Variants in ADAMTS8 observed in about 807,000 individuals in gnomAD.
ADAMTS8 encodes A disintegrin and metalloproteinase with thrombospondin motifs 8.
ADAMTS8 carries 50 observed loss-of-function variants against 64.4 expected under a neutral mutation model. That is an observed-to-expected ratio of 0.78 (90% CI 0.62 to 0.98). The LOEUF (loss-of-function observed/expected upper bound fraction) is 0.98. Ranked by LOEUF, ADAMTS8 falls within the 50% of genes least tolerant of loss-of-function variation. The probability of loss-of-function intolerance (pLI) is 0.00; values close to 1 mark genes in which losing one functional copy is unlikely to be tolerated. For missense variants in ADAMTS8, 1,192 were observed against 1,208.2 expected, an observed-to-expected ratio of 0.99 and a Z score of 0.20; for synonymous variants, 556 against 533.6, an observed-to-expected ratio of 1.04 and a Z score of -0.58.
At position 130,419,154 on chromosome 11, in the gene ADAMTS8, C is replaced by T; in HGVS notation, c.859G>A (p.Gly287Arg). The T allele has an allele frequency of 1.2e-6, 2 of 1,614,206 alleles. No homozygotes were observed. Among genetic ancestry groups the T allele is most frequent in the South Asian group, 1.1e-5 (1 of 91,082 alleles). ...TTGCAGAAGTTACGCAGTGTAAGCC[C>T]CCCATTGTCGGACACCTCTGGGCCC... ...KWGPEVSDNGGLTLRNFCNWQ... is the reference protein window; with the variant it reads ...KWGPEVSDNGRLTLRNFCNWQ... The change falls in exon 2 of 9, where the codon GGG (glycine) becomes AGG (arginine). Residue 287 changes from glycine (G) to arginine (R), a missense_variant. By Grantham distance (125) the Gly-to-Arg change is moderately radical. Around this residue, in one of 5 missense-constraint regions of ADAMTS8, gnomAD observed 741 missense variants for 710.6 expected, o/e 1.04. Transcript: ENST00000257359.
rs1170750748 is a variant in ADAMTS8 at position 130,416,546 on chromosome 11, T to C, written c.1097-216A>G. On this transcript the variant is annotated intron_variant, in intron 3 of 8. Coordinates refer to ENST00000257359, the MANE Select transcript of ADAMTS8 (RefSeq NM_007037.6). This position sits in a 1 kb window ranked among gnomAD's most constrained non-coding sequence, Gnocchi z 4.8. ...CCCCTTTATTTTCTGCCTCAGCCCG[T>C]CCTGAATTTGGATCTAGCTCTGTTA... Among the ~76,000 whole-genome samples the C allele has an allele frequency of 6.6e-6, 1 of 152,206 alleles. No individual in the cohort carries two copies. The highest frequency in any genetic ancestry group is 1.5e-5 in the Non-Finnish European group (1 of 68,038).
At position 130,406,147 on chromosome 11, in the gene ADAMTS8, G is replaced by A. The variant is rs1479017245; in HGVS notation, c.2100-19C>T. The A allele has an allele frequency of 1.3e-6, 2 of 1,594,432 alleles. No homozygotes were observed. The highest frequency in any genetic ancestry group is 2.7e-5 in the African/African-American group (2 of 74,806). On this transcript the variant is annotated intron_variant, in intron 8 of 8. Coordinates refer to ENST00000257359, the MANE Select transcript of ADAMTS8 (RefSeq NM_007037.6). The stretch of plus-strand genomic sequence containing the variant: ...GCCATAACTGTGATAGAAACAGAAG[G>A]ACACCCTTAGACCAGTGGCTGCCCA...
rs756276036 is a variant in ADAMTS8 at position 130,405,969 on chromosome 11, T to C, written c.2259A>G (p.Ile753Met). The C allele has an allele frequency of 2.0e-5, 32 of 1,614,234 alleles. No homozygotes were observed. The South Asian group carries it at 3.2e-4, about 16-fold the overall frequency. The change falls in exon 9 of 9, where the codon ATA becomes ATG. Residue 753 changes from isoleucine (I) to methionine (M), a missense_variant. Ile to Met is a conservative substitution (Grantham distance 10). Around this residue, in one of 5 missense-constraint regions of ADAMTS8, gnomAD observed 290 missense variants for 297.8 expected, o/e 0.97. Transcript: ENST00000257359. ...LLNGNLAISAIEQDILVKGTI... is the reference protein window; with the variant it reads ...LLNGNLAISAMEQDILVKGTI... The stretch of plus-strand genomic sequence containing the variant: ...TCCCCTTCACCAAGATGTCCTGCTC[T>C]ATGGCAGAGATGGCCAGGTTGCCGT...
chr11:130,406,815 A>C (rs1592127342), intron 8 of ADAMTS8, among the ~76,000 whole-genome samples: 1 of 152,180 alleles, frequency 6.6e-6, no homozygotes, highest in East Asian at 1.9e-4. Context: ...TTAGGGCTTT[A>C]GGTAGGATGA....
chr11:130,408,232 A>T (rs573326788), intron 8 of ADAMTS8, among the ~76,000 whole-genome samples: 1 of 151,954 alleles, frequency 6.6e-6, no homozygotes, highest in Non-Finnish European at 1.5e-5. Context: ...TATCTTTTCT[A>T]TGAGCTCGAC....
rs557858539 is a variant in ADAMTS8 at position 130,418,181 on chromosome 11, A to G, written c.960+872T>C. Reference sequence around the variant, plus strand: ...GGGTGACAGAGCGAGACCTTGTCTCAAACAAAACAAAACAAAATTAAAAAC... The same window carrying G: ...GGGTGACAGAGCGAGACCTTGTCTCGAACAAAACAAAACAAAATTAAAAAC... On this transcript the variant is annotated intron_variant, in intron 2 of 8. Coordinates refer to ENST00000257359, the MANE Select transcript of ADAMTS8 (RefSeq NM_007037.6). Among the ~76,000 whole-genome samples, 23 of 141,822 alleles carry G rather than the reference A, an allele frequency of 1.6e-4. 2 individuals are homozygous for G. Among genetic ancestry groups the G allele is most frequent in the African/African-American group, 7.2e-4 (23 of 31,872 alleles). 93.0% of individuals were successfully genotyped at this position (141,822 alleles called of 152,430 possible). A position where few individuals can be genotyped will look rare whatever the true frequency, so the allele number is the denominator to read the frequency against.
chr11:130,414,254 G>T (rs1466645546), intron 5 of ADAMTS8, among the ~76,000 whole-genome samples: 2 of 151,378 alleles, frequency 1.3e-5, no homozygotes, highest in Non-Finnish European at 2.9e-5. Flanking sequence ...CTTCTGAGTA[G>T]CTGGGACTAC....
chr11:130,405,353 T>C lies in ADAMTS8; in HGVS notation c.*205A>G. The stretch of plus-strand genomic sequence containing the variant: ...GAGCAAGGTCCAGTCCACTGGACAG[T>C]TGATGATAGGGTCTGCCGCCCCATA... On this transcript the variant is annotated 3_prime_UTR_variant, in exon 9 of 9. Coordinates refer to ENST00000257359, the MANE Select transcript of ADAMTS8 (RefSeq NM_007037.6). 3 of 1,390,688 alleles carry C rather than the reference T, an allele frequency of 2.2e-6. No homozygotes were observed. The highest frequency in any genetic ancestry group is 2.8e-6 in the Non-Finnish European group (3 of 1,076,846). 86.1% of individuals were successfully genotyped at this position (1,390,688 alleles called of 1,614,324 possible).
intron 1 of ADAMTS8, among the ~76,000 whole-genome samples, chr11:130,426,609 C>T (rs1222196455): frequency 2.6e-5 from 4 of 152,192 alleles, no homozygotes; most frequent in Non-Finnish European, 1.5e-5. Flanking sequence ...AAAGCCTTCA[C>T]CTGGTCTTTA....
chr11:130,428,299 G>T lies in ADAMTS8; in HGVS notation c.-13C>A, dbSNP rs750735257. The T allele has an allele frequency of 2.4e-6, 3 of 1,242,586 alleles. No individual in the cohort carries two copies. The highest frequency in any genetic ancestry group is 2.2e-5 in the South Asian group (1 of 45,262). 77.0% of individuals were successfully genotyped at this position (1,242,586 alleles called of 1,614,324 possible). On this transcript the variant is annotated 5_prime_UTR_variant, in exon 1 of 9. Transcript: ENST00000257359. Reference sequence around the variant, plus strand: ...GGGCGGGGAGCATGGGGGCTGCGGCGGTGGCTGCGCGCAGGAGAGGGAAGA... The same window carrying T: ...GGGCGGGGAGCATGGGGGCTGCGGCTGTGGCTGCGCGCAGGAGAGGGAAGA...
chr11:130,408,823 CAGCGGT>C lies in ADAMTS8; in HGVS notation c.1862_1867del (p.Asp621_Cys623delinsGly). ...CCCCCGGGCTCGGCAGAACAACTTG[CAGCGGT>C]CCCGGGGGGACACCCCAGCATACTT... On this transcript the variant is annotated inframe_deletion, in exon 7 of 9. Transcript: ENST00000257359. 6.2e-7 allele frequency: 1 copy of C among 1,614,070 alleles called. No homozygotes were observed. Among genetic ancestry groups the C allele is most frequent in the Non-Finnish European group, 8.5e-7 (1 of 1,180,008 alleles).
At chr11:130,422,541 C>T (rs937715003) in intron 1 of ADAMTS8, among the ~76,000 whole-genome samples, 1 of 152,186 alleles carries the variant, frequency 6.6e-6, no homozygotes, top group Non-Finnish European at 1.5e-5. Flanking sequence ...CCGGGAAGCT[C>T]TTGCATTCCC....
intron 8 of ADAMTS8, among the ~76,000 whole-genome samples, chr11:130,407,329 G>A (rs370653502): frequency 7.9e-5 from 12 of 152,146 alleles, no homozygotes; most frequent in African/African-American, 2.4e-4. Flanking sequence ...TCGTGCCACC[G>A]CACTCCAGCC....
At position 130,419,164 on chromosome 11, in the gene ADAMTS8, G is replaced by A. The variant is rs373278916; in HGVS notation, c.849C>T (p.Ser283=). Residue 283 remains serine (S), a synonymous_variant, in exon 2 of 9, where the codon TCC becomes TCT. Transcript: ENST00000257359. ...TACGCAGTGTAAGCCCCCCATTGTC[G>A]GACACCTCTGGGCCCCATTTTTCAT... is the stretch of plus-strand genomic sequence containing the variant. ...VEDEKWGPEV[S]DNGGLTLRNF... The A allele has an allele frequency of 6.8e-6, 11 of 1,614,160 alleles. No homozygotes were observed. Among genetic ancestry groups the A allele is most frequent in the Admixed American group, 3.3e-5 (2 of 60,016 alleles).
intron 6 of ADAMTS8, among the ~76,000 whole-genome samples, chr11:130,410,609 C>A (rs1463412219): frequency 6.6e-6 from 1 of 152,182 alleles, no homozygotes; most frequent in South Asian, 2.1e-4. Flanking sequence ...TGTCTTTTCC[C>A]GTGGTTGAAT....
At position 130,408,843 on chromosome 11, in the gene ADAMTS8, C is replaced by T. The variant is rs1861918020; in HGVS notation, c.1848G>A (p.Gly616=). 6.2e-7 allele frequency: 1 copy of T among 1,613,428 alleles called. No homozygotes were observed. Among genetic ancestry groups the T allele is most frequent in the Non-Finnish European group, 8.5e-7 (1 of 1,179,818 alleles). ...ACTTGCAGCGGTCCCGGGGGGACACCCCAGCATACTTGGGGACCCACTGCA... is the reference window on the plus strand; with the variant it reads ...ACTTGCAGCGGTCCCGGGGGGACACTCCAGCATACTTGGGGACCCACTGCA... ...NLLQWVPKYA[G]VSPRDRCKLF... is the part of the protein sequence containing the mutation. The change falls in exon 7 of 9, where the codon GGG becomes GGA. Residue 616 remains glycine, a synonymous_variant. Transcript: ENST00000257359.
Position 130,416,986 on chromosome 11 carries a change from G to A in ADAMTS8, c.1050C>T (p.Ile350=), listed in dbSNP as rs1361605952. The A allele has an allele frequency of 2.5e-6, 4 of 1,614,098 alleles. No homozygotes were observed. The highest frequency in any genetic ancestry group is 1.7e-5 in the Admixed American group (1 of 60,016). Residue 350 remains isoleucine (I), a synonymous_variant, in exon 3 of 9, where the codon ATC becomes ATT. Coordinates refer to ENST00000257359, the MANE Select transcript of ADAMTS8 (RefSeq NM_007037.6). This position sits in a 1 kb window ranked among gnomAD's most constrained non-coding sequence, Gnocchi z 4.8. Reference sequence around the variant, plus strand: ...GGGCCGCCTGGAGCCCCTCATCCTCGATCACGGAGCAGCTTTTGTTGGGGT... The same window carrying A: ...GGGCCGCCTGGAGCCCCTCATCCTCAATCACGGAGCAGCTTTTGTTGGGGT... The part of the protein sequence containing the change: ...ICDPNKSCSV[I]EDEGLQAAHT...
chr11:130,422,685 G>T (rs1862116145), intron 1 of ADAMTS8, among the ~76,000 whole-genome samples: 1 of 152,226 alleles, frequency 6.6e-6, no homozygotes, highest in Non-Finnish European at 1.5e-5. Context: ...TGTTCTGCAA[G>T]CAGCAAAGAG....
At chr11:130,413,774 A>G (rs1480352213) in intron 5 of ADAMTS8, among the ~76,000 whole-genome samples, 1 of 152,106 alleles carries the variant, frequency 6.6e-6, no homozygotes, top group Non-Finnish European at 1.5e-5. Flanking sequence ...ACCTGTAATT[A>G]TGCATTCAGT....
Sources: gnomAD v4.1 joint callset for allele counts (sites outside exome capture counted in the v4.1 genomes callset) on GRCh38, gnomAD v4.1.1 for gene constraint, gnomAD v4.1.1 regional missense constraint, Gnocchi (gnomAD v3.1) non-coding constraint, MANE v1.5 for transcripts, NCBI Gene and HGNC (gene_info 2026-07-23, HGNC 2026-07-21) for gene names.